Variants in EXOC4 observed in about 807,000 individuals in gnomAD.
EXOC4 encodes the protein SEC8-like 1.
A neutral mutation model predicts 107.2 loss-of-function variants in EXOC4; 71 were observed. The observed-to-expected ratio is 0.66, with a 90% CI of 0.55 to 0.81. The LOEUF is 0.81. EXOC4 is among the 30% of genes least tolerant of loss of function. EXOC4 has a pLI of 0.00. For synonymous variants in EXOC4, 456 were observed against 441.2 expected (o/e 1.03, Z -0.42); for missense variants, 1,108 against 1,189.6 (o/e 0.93, Z 1.01).
At chr7:133,906,895 T>G (rs995403340) in intron 12 of EXOC4, among the ~76,000 whole-genome samples, 12 of 152,196 alleles carry the variant, frequency 7.9e-5, no homozygotes, top group African/African-American at 1.9e-4. Context: ...ACGGTTCTCT[T>G]CTGTGACCCA....
intron 10 of EXOC4, among the ~76,000 whole-genome samples, chr7:133,746,120 C>T (rs1795672563): frequency 2.0e-5 from 3 of 152,042 alleles, no homozygotes; most frequent in African/African-American, 7.2e-5. Flanking sequence ...ATTACATGTT[C>T]ACTTGTTTTG....
intron 11 of EXOC4, among the ~76,000 whole-genome samples, chr7:133,872,990 G>A (rs901950116): frequency 1.3e-5 from 2 of 152,218 alleles, no homozygotes; most frequent in Admixed American, 1.3e-4. Context: ...AGAAAGCCTG[G>A]TTTGGTAGAA....
chr7:133,584,334 A>G (rs781709904), intron 9 of EXOC4, among the ~76,000 whole-genome samples: 3 of 152,084 alleles, frequency 2.0e-5, no homozygotes, highest in Non-Finnish European at 4.4e-5. Context: ...GGTGGAGGAG[A>G]TAGTCATCAT....
chr7:133,274,977 A>G lies in EXOC4; in HGVS notation c.87-5A>G. 6.3e-7 allele frequency: 1 copy of G among 1,591,772 alleles called. No homozygotes were observed. The highest frequency in any genetic ancestry group is 8.6e-7 in the Non-Finnish European group (1 of 1,169,266). On this transcript the variant is annotated splice_region_variant and splice_polypyrimidine_tract_variant and intron_variant, in intron 1 of 17. Transcript: ENST00000253861. ...TTAGCTTGATATACTCTCTGCCTTC[A>G]CCAGGACTCTGTCTACTAGTGACGA...
At chr7:133,594,493 C>CCTTTTTTTTTT (rs1801618545) in intron 9 of EXOC4, among the ~76,000 whole-genome samples, 2 of 90,356 alleles carry the variant, frequency 2.2e-5, no homozygotes, top group East Asian at 3.6e-4. Flanking sequence ...AAGCTTGAGT[C>CCTTTTTTTTTT]TTTTTTTTTT....
intron 17 of EXOC4, among the ~76,000 whole-genome samples, chr7:134,039,278 G>A (rs1585343431): frequency 6.6e-6 from 1 of 152,092 alleles, no homozygotes; most frequent in African/African-American, 2.4e-5. Context: ...AAGCTTCAGG[G>A]AGTGCATAAT....
In EXOC4 at chr7:133,928,922, C is replaced by CTTT. The variant is rs71162044; in HGVS notation, c.2028-8943_2028-8941dup. On this transcript the variant is annotated intron_variant, in intron 13 of 17. Coordinates refer to ENST00000253861, the MANE Select transcript of EXOC4 (RefSeq NM_021807.4). Reference sequence around the variant, plus strand: ...TGGAAGAATTTAGAAACAGTAGTACCTTTTTTTTTTTTTTTTTTTTTTTTT... The same window carrying CTTT: ...TGGAAGAATTTAGAAACAGTAGTACCTTTTTTTTTTTTTTTTTTTTTTTTTTTT... Among the ~76,000 whole-genome samples, 94 of 82,052 alleles carry CTTT rather than the reference C, an allele frequency of 1.1e-3. 3 individuals carry two copies. The highest frequency in any genetic ancestry group is 1.7e-3 in the Non-Finnish European group (81 of 46,296). The allele number at this position is 82,052 out of a possible 152,430, so 53.8% of individuals were successfully genotyped here.
In EXOC4 at chr7:133,982,609, A is replaced by C. The variant is rs188682761; in HGVS notation, c.2207-14883A>C. ...TTTTTGTTACTTATTCAACACCTTT[A>C]TTGAGGAGGAGGAGGAATTGCCATG... On this transcript the variant is annotated intron_variant, in intron 14 of 17. Coordinates refer to ENST00000253861, the MANE Select transcript of EXOC4 (RefSeq NM_021807.4). Among the ~76,000 whole-genome samples, 470 of 152,214 alleles carry C rather than the reference A, an allele frequency of 3.1e-3. 1 individual carries two copies. The highest frequency in any genetic ancestry group is 4.6e-3 in the Non-Finnish European group (310 of 67,994).
In EXOC4 at chr7:133,964,780, T is replaced by C. The variant is rs560941226; in HGVS notation, c.2206+26711T>C. Among the ~76,000 whole-genome samples, 8 of 152,234 alleles carry C rather than the reference T, an allele frequency of 5.3e-5. 1 individual carries two copies. In the South Asian group the frequency reaches 1.5e-3, roughly 28 times the overall value. The stretch of plus-strand genomic sequence containing the variant: ...GCCTTTGCTATTGTGAACAGTGCTG[T>C]CATAAACATACATGTGCATGTATCT... On this transcript the variant is annotated intron_variant, in intron 14 of 17. Coordinates refer to ENST00000253861, the MANE Select transcript of EXOC4 (RefSeq NM_021807.4).
At chr7:133,754,683 T>C (rs1795862459) in intron 10 of EXOC4, among the ~76,000 whole-genome samples, 1 of 152,234 alleles carries the variant, frequency 6.6e-6, no homozygotes, top group Non-Finnish European at 1.5e-5. Context: ...GCTATGCATA[T>C]GTACTGTTTT....
chr7:133,492,073 G>T (rs913654506), intron 9 of EXOC4, among the ~76,000 whole-genome samples: 1 of 152,190 alleles, frequency 6.6e-6, no homozygotes, highest in African/African-American at 2.4e-5. Context: ...TCCTCCAAAG[G>T]TTTAAAGTAG....
the EXOC4 span, among the ~76,000 whole-genome samples, chr7:134,093,080 A>C: frequency 6.6e-6 from 1 of 152,238 alleles, no homozygotes; most frequent in South Asian, 2.1e-4. Context: ...AAAACCTCGC[A>C]CGTAAATATT....
chr7:133,857,187 TATATATATATA>T (rs1798408848), intron 11 of EXOC4, among the ~76,000 whole-genome samples: 4 of 33,864 alleles, frequency 1.2e-4, no homozygotes, highest in East Asian at 9.4e-4. Flanking sequence ...TATATATATA[TATATATATATA>T]TATTTTACCT....
chr7:133,544,984 C>G (rs1342788342), intron 9 of EXOC4, among the ~76,000 whole-genome samples: 1 of 151,570 alleles, frequency 6.6e-6, no homozygotes, highest in Non-Finnish European at 1.5e-5. Context: ...CACTTTGGGC[C>G]TTTAAAAGCA....
intron 14 of EXOC4, among the ~76,000 whole-genome samples, chr7:133,981,174 T>C (rs1186289556): frequency 6.6e-6 from 1 of 152,202 alleles, no homozygotes; most frequent in Non-Finnish European, 1.5e-5. Flanking sequence ...CAGCTACTCA[T>C]GGTGATGATC....
At chr7:133,646,141 T>C (rs192668847) in intron 10 of EXOC4, among the ~76,000 whole-genome samples, 1 of 152,332 alleles carries the variant, frequency 6.6e-6, no homozygotes, top group Non-Finnish European at 1.5e-5. Context: ...TCAGTCAGGT[T>C]TGGAGTTTGC....
intron 9 of EXOC4, among the ~76,000 whole-genome samples, chr7:133,585,505 T>C (rs1347245722): frequency 6.6e-6 from 1 of 152,034 alleles, no homozygotes; most frequent in East Asian, 1.9e-4. Flanking sequence ...CGCACACCTG[T>C]GGTCCCAGTT....
chr7:133,648,200 T>TA (rs1290159036), intron 10 of EXOC4, among the ~76,000 whole-genome samples: 1 of 152,242 alleles, frequency 6.6e-6, no homozygotes, highest in Non-Finnish European at 1.5e-5. Context: ...GGGTTGCCTC[T>TA]ATTGCCAAAG....
At chr7:133,738,923 A>G (rs1795504082) in intron 10 of EXOC4, among the ~76,000 whole-genome samples, 1 of 152,214 alleles carries the variant, frequency 6.6e-6, no homozygotes, top group Non-Finnish European at 1.5e-5. Flanking sequence ...CACTTATAAA[A>G]TAGATGGATT....
Sources: allele counts gnomAD v4.1 joint callset (sites outside exome capture counted in the v4.1 genomes callset), GRCh38; gene constraint gnomAD v4.1.1; transcripts MANE v1.5; gene names NCBI Gene and HGNC (gene_info 2026-07-23, HGNC 2026-07-21).